ATCAY: variants seen among roughly 807,000 people sequenced by gnomAD.
ATCAY encodes caytaxin.
A neutral mutation model predicts 47.7 loss-of-function variants in ATCAY; 22 were observed. The ratio of observed to expected loss-of-function variants is 0.46; its 90% CI spans 0.33 to 0.66. The LOEUF is 0.66. ATCAY is among the 30% of genes least tolerant of loss of function. The pLI, the probability that ATCAY is intolerant of heterozygous loss-of-function variation, is 0.02. For synonymous variants in ATCAY, 216 were observed against 207.6 expected, an observed-to-expected ratio of 1.04 and a Z score of -0.35; for missense variants, 452 against 515.0, an observed-to-expected ratio of 0.88 and a Z score of 1.18.
At position 3,907,657 on chromosome 19, in the gene ATCAY, G is replaced by A. The variant is rs1325680935; in HGVS notation, c.359-77G>A. ...CCCGGCAGCGAGGGAGGTGGGAGAGGGGAAGGAAGGCTGAGCAGGAGGGCA... is the reference window on the plus strand; with the variant it reads ...CCCGGCAGCGAGGGAGGTGGGAGAGAGGAAGGAAGGCTGAGCAGGAGGGCA... On this transcript the variant is annotated intron_variant, in intron 4 of 12. Transcript: ENST00000450849. The surrounding 1 kb of genome is among the most constrained non-coding windows in gnomAD (Gnocchi z 5.1). 19 of 1,554,052 alleles carry A rather than the reference G, an allele frequency of 1.2e-5. No individual in the cohort carries two copies. The highest frequency in any genetic ancestry group is 1.5e-5 in the Non-Finnish European group (17 of 1,139,618).
chr19:3,917,922 C>A, intron 10 of ATCAY, 145 bp downstream of exon 10: 1 of 801,446 alleles, frequency 1.2e-6, no homozygotes, highest in Non-Finnish European at 1.8e-6. Context: ...CTGGCAAGGA[C>A]TTTAAACTCA....
intron 12 of ATCAY, among the ~76,000 whole-genome samples, chr19:3,922,933 G>C (rs993735589): frequency 6.6e-6 from 1 of 152,048 alleles, no homozygotes; most frequent in African/African-American, 2.4e-5. Context: ...TTTTAGTAGA[G>C]ACGGGGTTTC....
intron 9 of ATCAY, among the ~76,000 whole-genome samples, chr19:3,914,450 G>A (rs1043108030): frequency 6.6e-6 from 1 of 151,798 alleles, no homozygotes; most frequent in African/African-American, 2.4e-5. Flanking sequence ...ATGATTCAGT[G>A]ACCTCCCACC....
chr19:3,913,883 CG>C, intron 9 of ATCAY, 27 bp downstream of exon 9: 1 of 1,579,452 alleles, frequency 6.3e-7, no homozygotes, highest in Non-Finnish European at 8.7e-7. Flanking sequence ...TCCACCCCGC[CG>C]TATTAGTCTG....
chr19:3,902,353 T>G, intron 2 of ATCAY, 134 bp from the exon 3 acceptor site: 1 of 793,258 alleles, frequency 1.3e-6, no homozygotes, highest in Non-Finnish European at 2.1e-6. Flanking sequence ...GTCCAGTGAT[T>G]CTCCAGAACT....
chr19:3,885,025 C>G (rs2038635526), intron 1 of ATCAY, among the ~76,000 whole-genome samples: 2 of 150,728 alleles, frequency 1.3e-5, no homozygotes, highest in South Asian at 4.2e-4. Flanking sequence ...ATTGCTTAAG[C>G]CCAGGAGTTC....
chr19:3,891,770 A>T (rs1260577142), intron 2 of ATCAY, among the ~76,000 whole-genome samples: 2 of 152,038 alleles, frequency 1.3e-5, no homozygotes, highest in Non-Finnish European at 1.5e-5. Flanking sequence ...GGAGGGTCAG[A>T]TGCAGGGTGA....
rs537155754 is a variant in ATCAY at position 3,908,291 on chromosome 19, G to T, written c.568G>T (p.Ala190Ser). The change falls in exon 6 of 13, where the codon GCC becomes TCC. Residue 190 changes from alanine to serine, a missense_variant. Ala to Ser is a moderately conservative substitution (Grantham distance 99, BLOSUM62 1). Transcript: ENST00000450849. ...HGGYYGEGLN[A>S]IIVFAACFLP... ...AGGGTACTACGGCGAAGGCCTCAAC[G>T]CCATCATCGTCTTCGCAGCCTGCTT... The T allele has an allele frequency of 5.1e-6, 8 of 1,582,666 alleles. No homozygotes were observed. Among genetic ancestry groups the T allele is most frequent in the African/African-American group, 1.3e-5 (1 of 74,172 alleles).
intron 1 of ATCAY, among the ~76,000 whole-genome samples, chr19:3,884,265 C>A (rs559701993): frequency 6.6e-6 from 1 of 151,428 alleles, no homozygotes; most frequent in East Asian, 1.9e-4. Context: ...CCAGCCTGGG[C>A]GACAGAGCAA....
At chr19:3,898,395 G>A (rs77482021) in intron 2 of ATCAY, among the ~76,000 whole-genome samples, 4,026 of 152,190 alleles carry the variant, frequency 0.026, 154 homozygotes, top group African/African-American at 0.079. Context: ...ATGTTGCCCC[G>A]ACTGGTCTTG....
chr19:3,921,837 C>T (rs2039022428), intron 12 of ATCAY, among the ~76,000 whole-genome samples: 1 of 151,202 alleles, frequency 6.6e-6, no homozygotes, highest in South Asian at 2.1e-4. Context: ...GCGGAGGTTG[C>T]AGTGAGCTGA....
At chr19:3,885,659 C>A in intron 1 of ATCAY, 68 bp from the exon 2 acceptor site, 1 of 834,814 alleles carries the variant, frequency 1.2e-6, no homozygotes, top group Non-Finnish European at 1.9e-6. Flanking sequence ...GGAAGAGCTG[C>A]ATGGGGTAGA....
chr19:3,917,811 C>G (rs940510067), intron 10 of ATCAY, 34 bp downstream of exon 10: 1 of 1,602,086 alleles, frequency 6.2e-7, no homozygotes, highest in East Asian at 2.2e-5. Context: ...GGGGCTGGGT[C>G]GGGGCAGCGG....
chr19:3,894,782 C>G (rs1455648551), intron 2 of ATCAY, among the ~76,000 whole-genome samples: 2 of 151,608 alleles, frequency 1.3e-5, no homozygotes, highest in Non-Finnish European at 2.9e-5. Context: ...GACCCTGTCT[C>G]TACAAAAAAT....
chr19:3,912,215 G>A (rs892365941), intron 8 of ATCAY, among the ~76,000 whole-genome samples: 2 of 152,272 alleles, frequency 1.3e-5, no homozygotes, highest in Admixed American at 1.3e-4. Context: ...GCTCACACCT[G>A]TAATCCCAAC....
At chr19:3,902,298 G>A (rs2038822285) in intron 2 of ATCAY, among the ~76,000 whole-genome samples, 189 bp from the exon 3 acceptor site, 1 of 152,188 alleles carries the variant, frequency 6.6e-6, no homozygotes, top group Non-Finnish European at 1.5e-5. Flanking sequence ...CTCCAGCCTG[G>A]GCGATACAGT....
At chr19:3,890,286 A>G (rs780652860) in intron 2 of ATCAY, among the ~76,000 whole-genome samples, 19 of 114,926 alleles carry the variant, frequency 1.7e-4, no homozygotes, top group Middle Eastern at 6.3e-3. Context: ...TTTTGCAGAC[A>G]AAGTCTCACT....
chr19:3,886,719 CTTTTT>C, intron 2 of ATCAY, among the ~76,000 whole-genome samples: 1 of 131,432 alleles, frequency 7.6e-6, no homozygotes, highest in East Asian at 2.2e-4. Flanking sequence ...ACATGCTGAA[CTTTTT>C]TTTTTTTTTT....
At chr19:3,918,734 T>C (rs2038989721) in intron 10 of ATCAY, 72 bp from the exon 11 acceptor site, 2 of 1,538,824 alleles carry the variant, frequency 1.3e-6, no homozygotes, top group South Asian at 2.2e-5. Context: ...GAGAGGCCAG[T>C]ACTAGCTGAG....
Sources: gnomAD v4.1 joint callset for allele counts (sites outside exome capture counted in the v4.1 genomes callset) on GRCh38, gnomAD v4.1.1 for gene constraint, Gnocchi (gnomAD v3.1) non-coding constraint, MANE v1.5 for transcripts, NCBI Gene and HGNC (gene_info 2026-07-23, HGNC 2026-07-21) for gene names.